Variants in CCDC178 observed in about 807,000 individuals in gnomAD.
CCDC178 encodes coiled-coil domain-containing protein 178.
Under a neutral mutation model 117.4 loss-of-function variants are expected in CCDC178, and 126 were observed. That is an observed-to-expected ratio of 1.07 (90% CI 0.93 to 1.24). The LOEUF (loss-of-function observed/expected upper bound fraction) is 1.24, where lower values mean the gene tolerates loss of function less well. Ranked by LOEUF, CCDC178 falls within the 50% of genes most tolerant of loss-of-function variation. The probability of loss-of-function intolerance (pLI) is 0.00; values close to 1 mark genes in which losing one functional copy is unlikely to be tolerated. For synonymous variants in CCDC178, 283 were observed against 313.4 expected, an observed-to-expected ratio of 0.90 and a Z score of 1.02; for missense variants, 1,030 against 986.9, an observed-to-expected ratio of 1.04 and a Z score of -0.59.
chr18:32,979,196 G>T (rs567085550), intron 21 of CCDC178, among the ~76,000 whole-genome samples: 16 of 151,536 alleles, frequency 1.1e-4, no homozygotes, highest in African/African-American at 3.6e-4. Flanking sequence ...TTACTTTGTC[G>T]CCCAGGCTGG....
At chr18:33,230,916 G>A (rs552285066) in intron 15 of CCDC178, among the ~76,000 whole-genome samples, 1 of 152,256 alleles carries the variant, frequency 6.6e-6, no homozygotes, top group African/African-American at 2.4e-5. Context: ...TCTTCAAATT[G>A]CCAATTCATT....
At chr18:33,014,006 A>G (rs1176142360) in intron 21 of CCDC178, among the ~76,000 whole-genome samples, 6 of 152,308 alleles carry the variant, frequency 3.9e-5, no homozygotes, top group African/African-American at 9.6e-5. Flanking sequence ...AAATTAACCA[A>G]CATCCTTGCC....
upstream of CCDC178, chr18:33,440,805 G>C (rs1363666787): frequency 6.5e-6 from 1 of 154,466 alleles, no homozygotes; most frequent in Non-Finnish European, 1.4e-5. Context: ...GCTGCTCCGG[G>C]GCCTCCTGGC....
At chr18:32,975,924 A>G (rs1659562460) in intron 21 of CCDC178, among the ~76,000 whole-genome samples, 2 of 152,256 alleles carry the variant, frequency 1.3e-5, no homozygotes, top group Middle Eastern at 3.4e-3. Flanking sequence ...TATTTCAATA[A>G]AACAATTCAC....
intron 20 of CCDC178, among the ~76,000 whole-genome samples, chr18:33,145,618 A>G (rs2058258484): frequency 6.6e-6 from 1 of 152,158 alleles, no homozygotes; most frequent in Non-Finnish European, 1.5e-5. Context: ...TCTCAGCCCC[A>G]CTGCAATTAG....
intron 21 of CCDC178, among the ~76,000 whole-genome samples, chr18:32,981,197 A>C (rs2144715075): frequency 6.6e-6 from 1 of 152,298 alleles, no homozygotes; most frequent in Non-Finnish European, 1.5e-5. Context: ...AAAATAAAAT[A>C]AACACATTAA....
intron 18 of CCDC178, among the ~76,000 whole-genome samples, chr18:33,218,817 G>C (rs1014858667): frequency 6.6e-6 from 1 of 152,108 alleles, no homozygotes; most frequent in Non-Finnish European, 1.5e-5. Context: ...CTCTATCTCT[G>C]TTTTGGTATC....
At chr18:33,358,618 CA>C (rs1599216310) in intron 6 of CCDC178, among the ~76,000 whole-genome samples, 1 of 151,362 alleles carries the variant, frequency 6.6e-6, no homozygotes, top group African/African-American at 2.4e-5. Flanking sequence ...CATTCATATG[CA>C]AAAAAGAAAT....
At chr18:33,111,449 T>C (rs911643427) in intron 20 of CCDC178, among the ~76,000 whole-genome samples, 2 of 151,694 alleles carry the variant, frequency 1.3e-5, no homozygotes, top group Non-Finnish European at 3.0e-5. Context: ...TAATATCAAT[T>C]GAGATTATTA....
intron 20 of CCDC178, among the ~76,000 whole-genome samples, chr18:33,181,711 C>T (rs2058734764): frequency 6.6e-6 from 1 of 151,820 alleles, no homozygotes; most frequent in Admixed American, 6.6e-5. Flanking sequence ...AGTGCCCATA[C>T]ATTAATATAG....
chr18:33,368,907 T>C (rs995757802), intron 6 of CCDC178, among the ~76,000 whole-genome samples: 2 of 151,974 alleles, frequency 1.3e-5, no homozygotes, highest in Non-Finnish European at 2.9e-5. Flanking sequence ...TTTTAATAAG[T>C]GGTAGTTGTT....
At chr18:33,226,662 C>T in intron 16 of CCDC178, 131 bp downstream of exon 16, 1 of 527,118 alleles carries the variant, frequency 1.9e-6, no homozygotes, top group Non-Finnish European at 3.3e-6. Flanking sequence ...CAACTGCCAT[C>T]AGCTAAGGAG....
At chr18:33,307,994 G>A (rs1349465702) in intron 11 of CCDC178, among the ~76,000 whole-genome samples, 1 of 152,260 alleles carries the variant, frequency 6.6e-6, no homozygotes, top group African/African-American at 2.4e-5. Context: ...TGCTAGAGCA[G>A]TGCAGAAGAG....
intron 20 of CCDC178, among the ~76,000 whole-genome samples, chr18:33,166,212 G>A (rs988370031): frequency 1.3e-5 from 2 of 152,038 alleles, no homozygotes; most frequent in Non-Finnish European, 2.9e-5. Context: ...CACACTTTAG[G>A]AACTGTTGGT....
intron 20 of CCDC178, among the ~76,000 whole-genome samples, chr18:33,195,249 T>C (rs1452866620): frequency 2.0e-5 from 3 of 152,134 alleles, no homozygotes; most frequent in African/African-American, 7.2e-5. Context: ...CATGAATCTA[T>C]ATGATCTACT....
intron 21 of CCDC178, among the ~76,000 whole-genome samples, chr18:33,069,526 C>T (rs562757727): frequency 7.2e-5 from 11 of 152,102 alleles, no homozygotes; most frequent in Non-Finnish European, 1.2e-4. Flanking sequence ...AAAATCATCT[C>T]GAGTCAATTT....
chr18:33,390,868 T>C (rs1467395587), intron 4 of CCDC178, among the ~76,000 whole-genome samples: 1 of 151,764 alleles, frequency 6.6e-6, no homozygotes, highest in African/African-American at 2.4e-5. Context: ...TATAAATACA[T>C]ACACACATAC....
At chr18:33,409,077 A>G (rs1315625645) in intron 3 of CCDC178, among the ~76,000 whole-genome samples, 1 of 152,164 alleles carries the variant, frequency 6.6e-6, no homozygotes, top group African/African-American at 2.4e-5. Context: ...CAGAATAATC[A>G]TCCAGTTAAT....
chr18:33,439,400 ATAG>A (rs2064344542), intron 2 of CCDC178, among the ~76,000 whole-genome samples: 1 of 152,222 alleles, frequency 6.6e-6, no homozygotes. Flanking sequence ...CCATCCAGGG[ATAG>A]TGGGTAGACT....
Sources: gnomAD v4.1 joint callset for allele counts (sites outside exome capture counted in the v4.1 genomes callset) on GRCh38, gnomAD v4.1.1 for gene constraint, MANE v1.5 for transcripts, NCBI Gene and HGNC (gene_info 2026-07-23, HGNC 2026-07-21) for gene names.